RERG: variants seen among roughly 807,000 people sequenced by gnomAD.
The protein encoded by RERG is RAS like estrogen regulated growth inhibitor.
Under a neutral mutation model 23.2 loss-of-function variants are expected in RERG, and 25 were observed. The observed-to-expected ratio is 1.08, with a 90% CI of 0.79 to 1.50. The LOEUF is 1.50. RERG is among the 40% of genes most tolerant of loss of function. The pLI is 0.00. For missense variants in RERG, 253 were observed against 250.1 expected, an observed-to-expected ratio of 1.01 and a Z score of -0.08; for synonymous variants, 81 against 89.1, an observed-to-expected ratio of 0.91 and a Z score of 0.51.
intron 2 of RERG, among the ~76,000 whole-genome samples, chr12:15,142,912 C>T (rs911121877): frequency 5.9e-5 from 9 of 152,218 alleles, no homozygotes; most frequent in Non-Finnish European, 8.8e-5. Context: ...CAGCTTTCTT[C>T]TAGCTGTTCC....
chr12:15,175,331 CTCTGTGTGTGTGTGTG>C (rs1405035368), intron 2 of RERG, among the ~76,000 whole-genome samples: 9 of 109,374 alleles, frequency 8.2e-5, no homozygotes, highest in African/African-American at 3.1e-4. Context: ...TACTCTCAGG[CTCTGTGTGTGTGTGTG>C]TGTGTGTGTG....
intron 2 of RERG, among the ~76,000 whole-genome samples, chr12:15,215,297 T>C (rs1047178357): frequency 5.3e-5 from 8 of 152,160 alleles, no homozygotes; most frequent in African/African-American, 1.9e-4. Context: ...GGGCAGTGTA[T>C]GGAGTAAGGA....
chr12:15,217,348 C>T (rs1439327013), intron 2 of RERG, 81 bp downstream of exon 2: 2 of 914,630 alleles, frequency 2.2e-6, no homozygotes, highest in East Asian at 2.4e-5. Flanking sequence ...AACTACTCAC[C>T]TGCCCAATCC....
At chr12:15,193,583 T>C (rs77169444) in intron 2 of RERG, among the ~76,000 whole-genome samples, 2,325 of 152,250 alleles carry the variant, frequency 0.015, 86 homozygotes, top group African/African-American at 0.054. Context: ...CTGCCCACAC[T>C]GGGGCTCTCT....
intron 2 of RERG, among the ~76,000 whole-genome samples, chr12:15,144,540 T>C (rs1426503828): frequency 6.6e-6 from 1 of 152,160 alleles, no homozygotes; most frequent in East Asian, 1.9e-4. Flanking sequence ...AAGAAGGTTT[T>C]TCATGGAAAA....
At chr12:15,120,082 A>C (rs1330547548) in intron 3 of RERG, among the ~76,000 whole-genome samples, 1 of 152,182 alleles carries the variant, frequency 6.6e-6, no homozygotes, top group East Asian at 1.9e-4. Context: ...AAAGGTAGAG[A>C]GTATTTAATA....
At chr12:15,181,709 C>A (rs916141515) in intron 2 of RERG, among the ~76,000 whole-genome samples, 2 of 152,178 alleles carry the variant, frequency 1.3e-5, no homozygotes, top group African/African-American at 2.4e-5. Flanking sequence ...CTGGGTGAAT[C>A]TTTTCTCCAT....
intron 3 of RERG, among the ~76,000 whole-genome samples, chr12:15,112,667 C>A (rs577163590): frequency 6.6e-6 from 1 of 152,142 alleles, no homozygotes; most frequent in South Asian, 2.1e-4. Context: ...GAGGAACTCT[C>A]CCAGAAGTGT....
Position 15,200,116 on chromosome 12 carries a change from T to C in RERG, c.61+17313A>G, listed in dbSNP as rs139384094. ...TCTGTAGATGACCAAGAAAGAAATG[T>C]TTATTTACTGAAAACTATGGCAATG... On this transcript the variant is annotated intron_variant, in intron 2 of 4. Transcript: ENST00000256953. 1.6e-3 allele frequency among the ~76,000 whole-genome samples: 243 copies of C among 152,190 alleles called. 2 individuals carry two copies. The highest frequency in any genetic ancestry group is 5.7e-3 in the African/African-American group (237 of 41,562).
intron 2 of RERG, among the ~76,000 whole-genome samples, chr12:15,134,640 A>C (rs1225107055): frequency 6.6e-6 from 1 of 151,962 alleles, no homozygotes; most frequent in African/African-American, 2.4e-5. Context: ...TTTTAGATGG[A>C]GTCTTGCTCT....
chr12:15,136,835 T>C (rs2136099346), intron 2 of RERG, among the ~76,000 whole-genome samples: 1 of 152,132 alleles, frequency 6.6e-6, no homozygotes, highest in Non-Finnish European at 1.5e-5. Flanking sequence ...ATCTTATGAA[T>C]GTTCTGTGTA....
intron 2 of RERG, among the ~76,000 whole-genome samples, chr12:15,162,064 G>A (rs1046420907): frequency 1.3e-5 from 2 of 152,172 alleles, no homozygotes; most frequent in Non-Finnish European, 2.9e-5. Context: ...TTTCCCTGAG[G>A]AAGTGCTGTC....
At position 15,117,681 on chromosome 12, in the gene RERG, A is replaced by G. The variant is rs75307854; in HGVS notation, c.118+3382T>C. On this transcript the variant is annotated intron_variant, in intron 3 of 4. Coordinates refer to ENST00000256953, the MANE Select transcript of RERG (RefSeq NM_032918.3). ...ATGCCTCCATCACACACGCGCACACACACACACACACACACACACACACAC... is the reference window on the plus strand; with the variant it reads ...ATGCCTCCATCACACACGCGCACACGCACACACACACACACACACACACAC... Among the ~76,000 whole-genome samples the G allele has an allele frequency of 3.4e-3, 495 of 144,150 alleles. 1 individual carries two copies. The highest frequency in any genetic ancestry group is 0.014 in the Middle Eastern group (4 of 288). The allele number at this position is 144,150 out of a possible 152,430, so 94.6% of individuals were successfully genotyped here.
At chr12:15,164,761 G>A (rs995889805) in intron 2 of RERG, among the ~76,000 whole-genome samples, 8 of 152,162 alleles carry the variant, frequency 5.3e-5, no homozygotes, top group African/African-American at 1.9e-4. Flanking sequence ...TCAGAAATTT[G>A]CCACCCACAA....
intron 2 of RERG, among the ~76,000 whole-genome samples, chr12:15,199,727 G>T (rs1387702224): frequency 6.6e-6 from 1 of 151,920 alleles, no homozygotes; most frequent in Non-Finnish European, 1.5e-5. Flanking sequence ...TAACAGCGGG[G>T]ATTTGAAAAT....
intron 2 of RERG, among the ~76,000 whole-genome samples, chr12:15,175,560 G>T (rs772842644): frequency 4.6e-5 from 7 of 151,884 alleles, no homozygotes; most frequent in Non-Finnish European, 8.8e-5. Context: ...TAGATCCCCA[G>T]GAATATCTTA....
intron 2 of RERG, among the ~76,000 whole-genome samples, chr12:15,157,584 C>G (rs1048174654): frequency 6.6e-6 from 1 of 152,086 alleles, no homozygotes; most frequent in Non-Finnish European, 1.5e-5. Flanking sequence ...CTTTTTGGTT[C>G]CCACATTATA....
At chr12:15,182,057 CTTT>C (rs71042236) in intron 2 of RERG, among the ~76,000 whole-genome samples, 10 of 138,064 alleles carry the variant, frequency 7.2e-5, no homozygotes, top group Middle Eastern at 3.8e-3. Context: ...TAACTTTTAA[CTTT>C]TTTTTTTTTT....
chr12:15,195,038 G>A (rs1017266137), intron 2 of RERG, among the ~76,000 whole-genome samples: 4 of 152,078 alleles, frequency 2.6e-5, no homozygotes, highest in African/African-American at 9.7e-5. Flanking sequence ...TTGTGGAAAG[G>A]TTTAATCTAC....
Sources: allele counts gnomAD v4.1 joint callset (sites outside exome capture counted in the v4.1 genomes callset), GRCh38; gene constraint gnomAD v4.1.1; transcripts MANE v1.5; gene names NCBI Gene and HGNC (gene_info 2026-07-23, HGNC 2026-07-21).